UBA2: variants seen among roughly 807,000 people sequenced by gnomAD.
UBA2 encodes SUMO-activating enzyme subunit 2.
UBA2 carries 11 observed loss-of-function variants against 77.2 expected under a neutral mutation model. That is an observed-to-expected ratio of 0.14 (90% CI 0.09 to 0.24). The LOEUF (loss-of-function observed/expected upper bound fraction) is 0.24. UBA2 is among the 10% of genes least tolerant of loss of function. UBA2 has a pLI of 1.00. For missense variants in UBA2, 487 were observed against 781.7 expected, an observed-to-expected ratio of 0.62 and a Z score of 4.50; for synonymous variants, 278 against 276.7, an observed-to-expected ratio of 1.00 and a Z score of -0.05.
intron 2 of UBA2, among the ~76,000 whole-genome samples, chr19:34,431,083 G>T (rs527812218): frequency 1.3e-5 from 2 of 151,818 alleles, no homozygotes; most frequent in South Asian, 2.1e-4. Context: ...TTTTCCCTTT[G>T]CCTGTCTCCC....
At chr19:34,428,896 A>T (rs2075219402) in intron 1 of UBA2, 3 of 1,015,794 alleles carry the variant, frequency 3.0e-6, no homozygotes, top group Non-Finnish European at 3.5e-6. Context: ...CCCGGCTGTT[A>T]GGAGATGCGG....
At chr19:34,443,970 T>C in intron 7 of UBA2, 59 bp downstream of exon 7, 1 of 1,269,718 alleles carries the variant, frequency 7.9e-7, no homozygotes, top group South Asian at 1.2e-5. Flanking sequence ...TTTGTTGATT[T>C]AATTTTGGTA....
intron 5 of UBA2, among the ~76,000 whole-genome samples, chr19:34,438,343 G>A (rs992096121): frequency 6.6e-6 from 1 of 151,904 alleles, no homozygotes; most frequent in African/African-American, 2.4e-5. Context: ...TTTCTGTTTA[G>A]TGTGATCAAG....
chr19:34,431,055 T>A (rs111533392), intron 2 of UBA2, among the ~76,000 whole-genome samples: 2 of 152,050 alleles, frequency 1.3e-5, no homozygotes, highest in African/African-American at 4.8e-5. Context: ...CCTTGGTGAT[T>A]CAGAGTCTTA....
At chr19:34,437,039 A>G (rs921912051) in intron 5 of UBA2, among the ~76,000 whole-genome samples, 5 of 152,154 alleles carry the variant, frequency 3.3e-5, no homozygotes, top group East Asian at 1.9e-4. Flanking sequence ...GGCATCAGAA[A>G]TGGTGTTTCA....
At chr19:34,457,619 T>C (rs1301671397) in intron 12 of UBA2, among the ~76,000 whole-genome samples, 1 of 152,148 alleles carries the variant, frequency 6.6e-6, no homozygotes, top group East Asian at 1.9e-4. Flanking sequence ...GAGAAGCTAT[T>C]TTACAGAGGA....
chr19:34,463,932 A>G (rs906265697), intron 14 of UBA2, 94 bp from the exon 15 acceptor site: 4 of 834,486 alleles, frequency 4.8e-6, no homozygotes, highest in Admixed American at 3.9e-5. Flanking sequence ...CGGGACACAA[A>G]TCAGCCCATA....
At chr19:34,451,867 A>T (rs1051031258) in intron 9 of UBA2, 114 bp from the exon 10 acceptor site, 1 of 593,076 alleles carries the variant, frequency 1.7e-6, no homozygotes, top group Non-Finnish European at 2.6e-6. Flanking sequence ...ATTTTAATGG[A>T]ATTTATTTCA....
chr19:34,434,693 C>T (rs1599889422), intron 4 of UBA2, among the ~76,000 whole-genome samples, 175 bp from the exon 5 acceptor site: 1 of 152,060 alleles, frequency 6.6e-6, no homozygotes, highest in Non-Finnish European at 1.5e-5. Context: ...TGATATTTTG[C>T]TAAGTGAATG....
chr19:34,440,703 G>C (rs2075359225), intron 6 of UBA2, among the ~76,000 whole-genome samples: 1 of 152,160 alleles, frequency 6.6e-6, no homozygotes, highest in Admixed American at 6.5e-5. Flanking sequence ...GAAGCGGGTG[G>C]ATCACCTGAG....
chr19:34,430,252 C>T lies in UBA2; in HGVS notation c.139-324C>T, dbSNP rs146273502. 4.3e-5 allele frequency: 9 copies of T among 209,062 alleles called. No homozygotes were observed. The East Asian group carries it at 1.0e-3, about 23-fold the overall frequency. 13.0% of individuals were successfully genotyped at this position (209,062 alleles called of 1,614,324 possible). A position where few individuals can be genotyped will look rare whatever the true frequency, so the allele number is the denominator to read the frequency against. ...TATTTTCAGTTAGTGTTTACCTCGA[C>T]AGCACATATAGTTTTAATGAATTCA... On this transcript the variant is annotated intron_variant, in intron 1 of 16. Transcript: ENST00000246548.
At chr19:34,456,765 C>T (rs914099698) in intron 12 of UBA2, among the ~76,000 whole-genome samples, 1 of 151,948 alleles carries the variant, frequency 6.6e-6, no homozygotes, top group Non-Finnish European at 1.5e-5. Context: ...ACCATGTTAG[C>T]CAGGCTGGTC....
chr19:34,438,477 T>G (rs1481736661), intron 5 of UBA2, among the ~76,000 whole-genome samples, 168 bp from the exon 6 acceptor site: 1 of 152,244 alleles, frequency 6.6e-6, no homozygotes, highest in African/African-American at 2.4e-5. Context: ...AGTTAGCTTT[T>G]GTGTTAGTTT....
At chr19:34,446,378 T>G (rs2075430313) in intron 8 of UBA2, among the ~76,000 whole-genome samples, 2 of 152,240 alleles carry the variant, frequency 1.3e-5, no homozygotes, top group Non-Finnish European at 2.9e-5. Context: ...CCACTTTCGG[T>G]AAAGGCTAAC....
rs534981742 is a variant in UBA2, at chr19:34,457,511, G to C, written c.1246-1258G>C. Reference sequence around the variant, plus strand: ...TTTCCCTTAGCACACTTACCTTCCCGGTGAAGCCCAAAATCAAACAAATCT... The same window carrying C: ...TTTCCCTTAGCACACTTACCTTCCCCGTGAAGCCCAAAATCAAACAAATCT... On this transcript the variant is annotated intron_variant, in intron 12 of 16. Coordinates refer to ENST00000246548, the MANE Select transcript of UBA2 (RefSeq NM_005499.3). Among the ~76,000 whole-genome samples the C allele has an allele frequency of 1.1e-4, 17 of 152,118 alleles. No homozygotes were observed. In the South Asian group the frequency reaches 3.5e-3, roughly 32 times the overall value.
At chr19:34,436,000 AT>A (rs1246227270) in intron 5 of UBA2, among the ~76,000 whole-genome samples, 15 of 151,656 alleles carry the variant, frequency 9.9e-5, no homozygotes, top group Admixed American at 3.9e-4. Context: ...TGCACCTGTA[AT>A]CCCAGCTACT....
intron 12 of UBA2, 78 bp from the exon 13 acceptor site, chr19:34,458,691 G>A: frequency 7.8e-7 from 1 of 1,282,994 alleles, no homozygotes; most frequent in Non-Finnish European, 1.0e-6. Flanking sequence ...TGGATATCTG[G>A]TAAACGAGAT....
At position 34,430,204 on chromosome 19, in the gene UBA2, C is replaced by T. The variant is rs567545134; in HGVS notation, c.139-372C>T. 2.8e-4 allele frequency: 46 copies of T among 161,574 alleles called. No homozygotes were observed. In the South Asian group the frequency reaches 7.4e-3, roughly 26 times the overall value. The allele number at this position is 161,574 out of a possible 1,614,324, so 10.0% of individuals were successfully genotyped here. On this transcript the variant is annotated intron_variant, in intron 1 of 16. Coordinates refer to ENST00000246548, the MANE Select transcript of UBA2 (RefSeq NM_005499.3). ...GATTACAGGTATGAGCCACCACTCC[C>T]GGTGTAGAGAAATATGTTAATATAT...
intron 14 of UBA2, 104 bp from the exon 15 acceptor site, chr19:34,463,922 C>T (rs547990392): frequency 1.4e-4 from 103 of 750,456 alleles, no homozygotes; most frequent in African/African-American, 8.3e-4. Context: ...TTTTGGTGAA[C>T]GGGACACAAA....
Sources: gnomAD v4.1 joint callset for allele counts (sites outside exome capture counted in the v4.1 genomes callset) on GRCh38, gnomAD v4.1.1 for gene constraint, MANE v1.5 for transcripts, NCBI Gene and HGNC (gene_info 2026-07-23, HGNC 2026-07-21) for gene names.